Variants in GPC5 observed in about 807,000 individuals in gnomAD.
The protein encoded by GPC5 is glypican 5.
Under a neutral mutation model 53.9 loss-of-function variants are expected in GPC5, and 47 were observed. The ratio of observed to expected loss-of-function variants is 0.87; its 90% CI spans 0.69 to 1.11. GPC5 has a LOEUF of 1.11. Among genes scored for constraint, GPC5 ranks in the 50% most tolerant of loss-of-function variants. The pLI, the probability that GPC5 is intolerant of heterozygous loss-of-function variation, is 0.00. For synonymous variants in GPC5, 286 were observed against 263.3 expected (o/e 1.09, Z -0.84); for missense variants, 748 against 713.1 (o/e 1.05, Z -0.56).
intron 7 of GPC5, among the ~76,000 whole-genome samples, chr13:92,390,857 A>AG (rs1339131031): frequency 6.6e-6 from 1 of 152,102 alleles, no homozygotes; most frequent in Non-Finnish European, 1.5e-5. Context: ...ATCAGAGTCT[A>AG]TTTTTTGCAA....
rs1887814352 is a variant in GPC5, at chr13:92,703,096, C to CACTT, written c.1562-163183_1562-163180dup. Reference sequence around the variant, plus strand: ...TTTATTTATTTATTTATTTTAGTAGCACTTACCACCTTCGAATGCACTATG... The same window carrying CACTT: ...TTTATTTATTTATTTATTTTAGTAGCACTTACTTACCACCTTCGAATGCACTATG... On this transcript the variant is annotated intron_variant, in intron 7 of 7. Transcript: ENST00000377067. Among the ~76,000 whole-genome samples, 3 of 146,842 alleles carry CACTT rather than the reference C, an allele frequency of 2.0e-5. No homozygotes were observed. The South Asian group carries it at 6.3e-4, about 31-fold the overall frequency.
At chr13:91,726,067 G>A (rs940552145) in intron 3 of GPC5, among the ~76,000 whole-genome samples, 6 of 152,146 alleles carry the variant, frequency 3.9e-5, no homozygotes, top group African/African-American at 1.4e-4. Context: ...TGAACATACA[G>A]CGAACATACT....
At chr13:91,551,234 G>A (rs528722726) in intron 2 of GPC5, among the ~76,000 whole-genome samples, 2 of 152,180 alleles carry the variant, frequency 1.3e-5, no homozygotes, top group African/African-American at 4.8e-5. Context: ...TTTGGCTATG[G>A]CTCAGTGAAT....
chr13:92,284,731 G>A (rs2042941416), intron 7 of GPC5, among the ~76,000 whole-genome samples: 1 of 152,140 alleles, frequency 6.6e-6, no homozygotes, highest in Non-Finnish European at 1.5e-5. Flanking sequence ...AGGTGTTGAT[G>A]AGAAGTATCT....
chr13:92,196,904 T>G lies in GPC5; in HGVS notation c.1561+51915T>G, dbSNP rs146048104. 4.4e-3 allele frequency among the ~76,000 whole-genome samples: 664 copies of G among 152,352 alleles called. 9 individuals carry two copies. Among genetic ancestry groups the G allele is most frequent in the African/African-American group, 0.015 (640 of 41,560 alleles). ...TCAGAGAGTGTAAAATATTTTATCC[T>G]GAATGACATGCTCCTAAGTTAAAAT... On this transcript the variant is annotated intron_variant, in intron 7 of 7. Coordinates refer to ENST00000377067, the MANE Select transcript of GPC5 (RefSeq NM_004466.6).
At chr13:91,821,932 A>G (rs990818190) in intron 5 of GPC5, among the ~76,000 whole-genome samples, 21 of 152,242 alleles carry the variant, frequency 1.4e-4, no homozygotes, top group African/African-American at 4.8e-4. Context: ...TGTCATACAC[A>G]TGCAAAATAG....
intron 5 of GPC5, among the ~76,000 whole-genome samples, chr13:91,813,388 G>A (rs1373159091): frequency 7.2e-5 from 11 of 152,106 alleles, no homozygotes; most frequent in Admixed American, 5.9e-4. Context: ...CCAAGATTTC[G>A]GCTGCTGTGA....
intron 7 of GPC5, among the ~76,000 whole-genome samples, chr13:92,343,354 G>T (rs1371626717): frequency 6.6e-6 from 1 of 152,164 alleles, no homozygotes; most frequent in South Asian, 2.1e-4. Context: ...TTATGAAAAA[G>T]CGTATAATGC....
At chr13:92,170,072 G>T (rs954434877) in intron 7 of GPC5, among the ~76,000 whole-genome samples, 8 of 151,832 alleles carry the variant, frequency 5.3e-5, no homozygotes, top group Non-Finnish European at 1.0e-4. Flanking sequence ...CTAGGAAAAT[G>T]TTTGAAATAT....
At chr13:91,826,980 A>C (rs2038586174) in intron 5 of GPC5, among the ~76,000 whole-genome samples, 2 of 151,982 alleles carry the variant, frequency 1.3e-5, no homozygotes, top group African/African-American at 4.8e-5. Context: ...ATGGGTAGAA[A>C]AAACGTAGTT....
At chr13:92,646,500 G>A (rs1420108636) in intron 7 of GPC5, among the ~76,000 whole-genome samples, 2 of 151,906 alleles carry the variant, frequency 1.3e-5, no homozygotes, top group Non-Finnish European at 2.9e-5. Context: ...TATTCTCAAG[G>A]TTTGCATTTT....
At chr13:91,768,625 T>G (rs183404732) in intron 5 of GPC5, among the ~76,000 whole-genome samples, 123 of 152,320 alleles carry the variant, frequency 8.1e-4, no homozygotes, top group Middle Eastern at 3.4e-3. Flanking sequence ...ATATTGTTCA[T>G]TTTTGGATTA....
chr13:92,304,199 CTTTCTTTTTTTTTT>C (rs1432622697), intron 7 of GPC5, among the ~76,000 whole-genome samples: 2 of 147,264 alleles, frequency 1.4e-5, no homozygotes, highest in Non-Finnish European at 3.0e-5. Flanking sequence ...TGACCATTTA[CTTTCTTTTTTTTTT>C]TTTCTTTTTT....
At chr13:92,154,345 C>A (rs972527287) in intron 7 of GPC5, among the ~76,000 whole-genome samples, 2 of 152,068 alleles carry the variant, frequency 1.3e-5, no homozygotes, top group Non-Finnish European at 2.9e-5. Context: ...ACTATGTCAC[C>A]CCTTTCTATC....
chr13:91,422,765 A>T (rs1456366302), intron 1 of GPC5, among the ~76,000 whole-genome samples: 1 of 152,210 alleles, frequency 6.6e-6, no homozygotes, highest in Non-Finnish European at 1.5e-5. Context: ...GCAGGTCATC[A>T]CATAACAAGA....
chr13:92,805,502 T>A (rs1485648284), intron 7 of GPC5, among the ~76,000 whole-genome samples: 3 of 152,062 alleles, frequency 2.0e-5, no homozygotes. Context: ...ACGGGCATGA[T>A]CATGCCTCAC....
chr13:91,653,586 T>C (rs2034771146), intron 2 of GPC5, among the ~76,000 whole-genome samples: 1 of 152,130 alleles, frequency 6.6e-6, no homozygotes, highest in African/African-American at 2.4e-5. Flanking sequence ...CCATTCTCCA[T>C]GAACAAAACA....
intron 2 of GPC5, among the ~76,000 whole-genome samples, chr13:91,632,268 G>A (rs536567582): frequency 3.6e-4 from 55 of 152,170 alleles, no homozygotes; most frequent in African/African-American, 1.0e-3. Flanking sequence ...CACATTTACC[G>A]TGAGTCATCA....
At chr13:91,509,020 T>C (rs1049336045) in intron 2 of GPC5, among the ~76,000 whole-genome samples, 9 of 152,178 alleles carry the variant, frequency 5.9e-5, no homozygotes, top group Admixed American at 4.6e-4. Context: ...TCATAGACAG[T>C]CTGGTAAAAT....
Sources: gnomAD v4.1 joint callset for allele counts (sites outside exome capture counted in the v4.1 genomes callset) on GRCh38, gnomAD v4.1.1 for gene constraint, MANE v1.5 for transcripts, NCBI Gene and HGNC (gene_info 2026-07-23, HGNC 2026-07-21) for gene names.